COQ10A: variants seen among roughly 807,000 people sequenced by gnomAD.
The protein encoded by COQ10A is coenzyme Q-binding protein COQ10 homolog A, mitochondrial.
In COQ10A, 25 loss-of-function variants were observed where a neutral mutation model predicts 26.1. The observed-to-expected ratio is 0.96, with a 90% confidence interval of 0.70 to 1.34. The LOEUF is 1.34. Ranked by LOEUF, COQ10A falls within the 40% of genes most tolerant of loss-of-function variation. COQ10A has a pLI of 0.00. For synonymous variants in COQ10A, 132 were observed against 124.0 expected, an observed-to-expected ratio of 1.06 and a Z score of -0.43; for missense variants, 312 against 335.4, an observed-to-expected ratio of 0.93 and a Z score of 0.54.
chr12:56,267,468 G>A (rs1872384232), intron 1 of COQ10A: 1 of 1,613,438 alleles, frequency 6.2e-7, no homozygotes, highest in Non-Finnish European at 8.5e-7. Flanking sequence ...CCTCGCGGGC[G>A]CCCTGGGGTC....
At chr12:56,267,406 A>G (rs1426247041) in intron 1 of COQ10A, 154 bp downstream of exon 1, 105 of 1,613,660 alleles carry the variant, frequency 6.5e-5, no homozygotes, top group Non-Finnish European at 8.4e-5. Context: ...ATGCTTTTGC[A>G]AGTTGTACGA....
In COQ10A at chr12:56,270,292, T is replaced by C; in HGVS notation, c.719T>C (p.Met240Thr). 6.2e-7 allele frequency: 1 copy of C among 1,614,154 alleles called. No individual in the cohort carries two copies. The highest frequency in any genetic ancestry group is 8.5e-7 in the Non-Finnish European group (1 of 1,180,006). Residue 240 changes from methionine to threonine, a missense_variant, in exon 5 of 5, where the codon ATG (methionine) becomes ACG (threonine). Met to Thr is a moderately conservative substitution (Grantham distance 81, BLOSUM62 -1). Transcript: ENST00000308197. ...GPETAIPREL[M>T]FHEVHQT is the part of the protein sequence containing the mutation. ...GAAACAGCCATCCCCCGTGAACTGA[T>C]GTTCCATGAGGTGCACCAGACTTGA...
rs775427759 is a variant in COQ10A, at chr12:56,267,833, CCAG to C, written c.175_177del (p.Gln59del). On this transcript the variant is annotated inframe_deletion, in exon 2 of 5. Transcript: ENST00000308197. ...GCAGCCTCCTCTTGCCTCGGGCTGC[CCAG>C]ATCTTGGCGGCTGAGGCTGGCTTAC... 1 of 1,614,060 alleles carries C rather than the reference CCAG, an allele frequency of 6.2e-7. No homozygotes were observed. Among genetic ancestry groups the C allele is most frequent in the Non-Finnish European group, 8.5e-7 (1 of 1,180,044 alleles).
chr12:56,267,604 C>A, intron 1 of COQ10A, 190 bp from the exon 2 acceptor site: 1 of 1,150,228 alleles, frequency 8.7e-7, no homozygotes, highest in Non-Finnish European at 1.3e-6. Context: ...CAGCCCTGTC[C>A]TTAGCTGCCC....
At chr12:56,270,051 G>C in intron 4 of COQ10A, 99 bp from the exon 5 acceptor site, 1 of 1,216,138 alleles carries the variant, frequency 8.2e-7, no homozygotes. Context: ...ACTGGATGGG[G>C]AGGGGGAGAA....
rs74603322 is a variant in COQ10A at position 56,270,649 on chromosome 12, T to C, written c.*332T>C. 1,784 of 193,930 alleles carry C rather than the reference T, an allele frequency of 9.2e-3. 9 individuals carry two copies. Among genetic ancestry groups the C allele is most frequent in the Admixed American group, 0.013 (210 of 16,700 alleles). The allele number at this position is 193,930 out of a possible 1,614,324, so 12.0% of individuals were successfully genotyped here. A position where few individuals can be genotyped will look rare whatever the true frequency, so the allele number is the denominator to read the frequency against. ...ACCTTAGTGTCTGACCAGGGGACGA[T>C]AGTAACTTTTCTAAGGATTGAATAA... On this transcript the variant is annotated 3_prime_UTR_variant, in exon 5 of 5. Coordinates refer to ENST00000308197, the MANE Select transcript of COQ10A (RefSeq NM_144576.4).
rs1367442512 is a variant in COQ10A, at chr12:56,267,010, C to G, written c.-109C>G. On this transcript the variant is annotated 5_prime_UTR_variant, in exon 1 of 5. Transcript: ENST00000308197. ...GTGCTGCCGCCTCCCGTCGCCCCTG[C>G]GCTCAGAGGTCCCGAACCAGCCCAG... is the stretch of plus-strand genomic sequence containing the variant. The G allele has an allele frequency of 3.5e-6, 4 of 1,127,120 alleles. No homozygotes were observed. Among genetic ancestry groups the G allele is most frequent in the African/African-American group, 3.3e-5 (2 of 61,240 alleles). The allele number at this position is 1,127,120 out of a possible 1,614,324, so 69.8% of individuals were successfully genotyped here.
intron 4 of COQ10A, 124 bp downstream of exon 4, chr12:56,269,685 T>C: frequency 1.3e-6 from 1 of 770,578 alleles, no homozygotes; most frequent in Non-Finnish European, 2.3e-6. Context: ...TGGAGTGCAA[T>C]GGCACGATCT....
rs753811596 is a variant in COQ10A, at chr12:56,267,225, G to T, written c.107G>T (p.Gly36Val). Reference protein sequence around the residue: ...SPGAQPAPPPGPLPPPRPMRF... With the variant: ...SPGAQPAPPPVPLPPPRPMRF... The stretch of plus-strand genomic sequence containing the variant: ...GGCGCGCAACCGGCCCCGCCCCCAG[G>T]CCCTCTGCCACCGCCGCGACCAATG... Residue 36 changes from glycine (G) to valine (V), a missense_variant, in exon 1 of 5, where the codon GGC becomes GTC. Gly to Val is a moderately radical substitution (Grantham distance 109). Coordinates refer to ENST00000308197, the MANE Select transcript of COQ10A (RefSeq NM_144576.4). 25 of 1,458,136 alleles carry T rather than the reference G, an allele frequency of 1.7e-5. No homozygotes were observed. Among genetic ancestry groups the T allele is most frequent in the Non-Finnish European group, 2.2e-5 (24 of 1,106,078 alleles). The allele number at this position is 1,458,136 out of a possible 1,614,324, so 90.3% of individuals were successfully genotyped here.
rs1422632141 is a variant in COQ10A, at chr12:56,270,653, A to G, written c.*336A>G. 1.1e-5 allele frequency: 2 copies of G among 189,362 alleles called. No homozygotes were observed. Among genetic ancestry groups the G allele is most frequent in the Non-Finnish European group, 2.2e-5 (2 of 92,742 alleles). 11.7% of individuals were successfully genotyped at this position (189,362 alleles called of 1,614,324 possible). ...TAGTGTCTGACCAGGGGACGATAGT[A>G]ACTTTTCTAAGGATTGAATAAATTG... On this transcript the variant is annotated 3_prime_UTR_variant, in exon 5 of 5. Coordinates refer to ENST00000308197, the MANE Select transcript of COQ10A (RefSeq NM_144576.4).
At chr12:56,269,407 A>G (rs912644759) in intron 3 of COQ10A, 53 bp from the exon 4 acceptor site, 14 of 1,495,264 alleles carry the variant, frequency 9.4e-6, no homozygotes, top group Non-Finnish European at 1.2e-5. Flanking sequence ...ATTCCTTTAT[A>G]TTGTATCCTA....
chr12:56,270,230 T>G lies in COQ10A; in HGVS notation c.657T>G (p.Ala219=). The change falls in exon 5 of 5, where the codon GCT becomes GCG. Residue 219 remains alanine, a synonymous_variant. Coordinates refer to ENST00000308197, the MANE Select transcript of COQ10A (RefSeq NM_144576.4). ...FFDEVVKQNV[A]AFERRAATKF... is the part of the protein sequence containing the mutation. ...ATGAGGTTGTCAAACAGAATGTTGC[T>G]GCCTTTGAGCGTCGGGCAGCCACCA... 1 of 1,614,202 alleles carries G rather than the reference T, an allele frequency of 6.2e-7. No homozygotes were observed.
chr12:56,269,968 AGTTAGTCTGAGCTT>A (rs1872463773), intron 4 of COQ10A, 168 bp from the exon 5 acceptor site: 1 of 641,178 alleles, frequency 1.6e-6, no homozygotes, highest in Non-Finnish European at 2.7e-6. Flanking sequence ...TTCCCAAGTC[AGTTAGTCTGAGCTT>A]GTGTCAGACT....
Position 56,267,716 on chromosome 12 carries a change from CTCT to C in COQ10A, c.135-71_135-69del, listed in dbSNP as rs746051521. 69 of 1,592,432 alleles carry C rather than the reference CTCT, an allele frequency of 4.3e-5. 1 individual carries two copies. Among genetic ancestry groups the C allele is most frequent in the African/African-American group, 2.3e-4 (17 of 74,462 alleles). ...TTGGACGACCTTCGTCTGGGATGCA[CTCT>C]TCTTCTCCTTCACCTACAAATGATA... On this transcript the variant is annotated intron_variant, in intron 1 of 4. Coordinates refer to ENST00000308197, the MANE Select transcript of COQ10A (RefSeq NM_144576.4).
At chr12:56,267,361 A>G (rs776449467) in intron 1 of COQ10A, 109 bp downstream of exon 1, 9 of 1,613,774 alleles carry the variant, frequency 5.6e-6, no homozygotes, top group East Asian at 2.2e-5. Flanking sequence ...ACTGGCAGCA[A>G]TCATGCCCTG....
chr12:56,267,644 CAGAG>C, intron 1 of COQ10A, 146 bp from the exon 2 acceptor site: 1 of 1,253,696 alleles, frequency 8.0e-7, no homozygotes, highest in Non-Finnish European at 1.2e-6. Context: ...ACTCCCTGGC[CAGAG>C]AGAGCCTAGC....
chr12:56,268,202 G>A, intron 2 of COQ10A: 1 of 471,018 alleles, frequency 2.1e-6, no homozygotes, highest in Non-Finnish European at 3.8e-6. Flanking sequence ...TGGGTGCGGT[G>A]GCTCACGCCT....
In COQ10A at chr12:56,267,243, G is replaced by T; in HGVS notation, c.125G>T (p.Arg42Leu). Residue 42 changes from arginine to leucine, a missense_variant, in exon 1 of 5, where the codon CGA (arginine) becomes CTA (leucine). Coordinates refer to ENST00000308197, the MANE Select transcript of COQ10A (RefSeq NM_144576.4). The stretch of plus-strand genomic sequence containing the variant: ...CCCCCAGGCCCTCTGCCACCGCCGC[G>T]ACCAATGAGGTGAGAGGGAGGTGAC... ...APPPGPLPPP[R>L]PMRFLTSCSL... is the part of the protein sequence containing the mutation. 6.7e-7 allele frequency: 1 copy of T among 1,485,478 alleles called. No individual in the cohort carries two copies. The highest frequency in any genetic ancestry group is 8.9e-7 in the Non-Finnish European group (1 of 1,117,510). The allele number at this position is 1,485,478 out of a possible 1,614,324, so 92.0% of individuals were successfully genotyped here. A position where few individuals can be genotyped will look rare whatever the true frequency, so the allele number is the denominator to read the frequency against.
Position 56,266,944 on chromosome 12 carries a change from T to C in COQ10A, c.-175T>C, listed in dbSNP as rs937367218. Reference sequence around the variant, plus strand: ...GCGGGAGCAGCGGTCCCGGCTTCAGTTCTAGCCTACCCGGCAGCCTGGACG... The same window carrying C: ...GCGGGAGCAGCGGTCCCGGCTTCAGCTCTAGCCTACCCGGCAGCCTGGACG... On this transcript the variant is annotated 5_prime_UTR_variant, in exon 1 of 5. Transcript: ENST00000308197. The C allele has an allele frequency of 3.5e-6, 2 of 565,784 alleles. No individual in the cohort carries two copies. The highest frequency in any genetic ancestry group is 9.5e-5 in the Admixed American group (2 of 21,124). 35.0% of individuals were successfully genotyped at this position (565,784 alleles called of 1,614,324 possible). A position where few individuals can be genotyped will look rare whatever the true frequency, so the allele number is the denominator to read the frequency against.
Sources: allele counts gnomAD v4.1 joint callset, GRCh38; gene constraint gnomAD v4.1.1; transcripts MANE v1.5; gene names NCBI Gene and HGNC (gene_info 2026-07-23, HGNC 2026-07-21).